Variants in KIDINS220 observed in about 807,000 individuals in gnomAD.
KIDINS220 encodes the protein kinase D interacting substrate 220.
In KIDINS220, 63 loss-of-function variants were observed where a neutral mutation model predicts 157.6. The ratio of observed to expected loss-of-function variants is 0.40; its 90% confidence interval spans 0.33 to 0.49. The LOEUF is 0.49. Among genes scored for constraint, KIDINS220 ranks in the 20% least tolerant of loss-of-function variants. The pLI is 0.66. For synonymous variants in KIDINS220, 732 were observed against 783.6 expected (o/e 0.93, Z 1.10); for missense variants, 1,772 against 2,171.2 (o/e 0.82, Z 3.65).
chr2:8,789,777 T>G, intron 14 of KIDINS220, 103 bp downstream of exon 14: 1 of 902,428 alleles, frequency 1.1e-6, no homozygotes, highest in Non-Finnish European at 1.7e-6. Flanking sequence ...ATTATGAAAA[T>G]CACATACAGG....
rs908789715 is a variant in KIDINS220 at position 8,751,451 on chromosome 2, A to G, written c.3190+15T>C. On this transcript the variant is annotated intron_variant, in intron 23 of 29. Coordinates refer to ENST00000256707, the MANE Select transcript of KIDINS220 (RefSeq NM_020738.4). ...GAACTTTAGATGAAAAATTAAATTT[A>G]CTACTAATACCCACCTGCAATAATT... is the stretch of plus-strand genomic sequence containing the variant. The G allele has an allele frequency of 1.3e-6, 2 of 1,571,246 alleles. No individual in the cohort carries two copies. Among genetic ancestry groups the G allele is most frequent in the East Asian group, 2.2e-5 (1 of 44,688 alleles).
At chr2:8,765,471 A>G (rs1489242365) in intron 22 of KIDINS220, among the ~76,000 whole-genome samples, 1 of 152,208 alleles carries the variant, frequency 6.6e-6, no homozygotes, top group Non-Finnish European at 1.5e-5. Flanking sequence ...ATGATACAAA[A>G]AGTTGGCTAT....
At chr2:8,791,694 A>T (rs1217450633) in intron 12 of KIDINS220, among the ~76,000 whole-genome samples, 4 of 152,186 alleles carry the variant, frequency 2.6e-5, no homozygotes, top group Admixed American at 2.6e-4. Context: ...TAGTACGTGT[A>T]ATACCTATAC....
chr2:8,775,101 T>C (rs1670788468), intron 21 of KIDINS220, among the ~76,000 whole-genome samples: 1 of 152,204 alleles, frequency 6.6e-6, no homozygotes, highest in Non-Finnish European at 1.5e-5. Context: ...AGATCAAGAT[T>C]TTCTTACTTA....
chr2:8,790,878 G>A (rs548384542), intron 13 of KIDINS220, among the ~76,000 whole-genome samples, 182 bp downstream of exon 13: 48 of 152,144 alleles, frequency 3.2e-4, no homozygotes, highest in Non-Finnish European at 5.6e-4. Flanking sequence ...TCACACAATT[G>A]GATCTGCTTT....
rs774874342 is a variant in KIDINS220 at position 8,750,109 on chromosome 2, T to C, written c.3414+3A>G. The C allele has an allele frequency of 6.2e-6, 10 of 1,612,384 alleles. No homozygotes were observed. Among genetic ancestry groups the C allele is most frequent in the Non-Finnish European group, 7.6e-6 (9 of 1,178,652 alleles). ...AAAATAAAGCTGCCTCCAACTTCCT[T>C]ACCCTGTTGTAGAAGGGATGCTGAG... On this transcript the variant is annotated splice_donor_region_variant and intron_variant, in intron 24 of 29. Coordinates refer to ENST00000256707, the MANE Select transcript of KIDINS220 (RefSeq NM_020738.4).
chr2:8,821,356 A>G (rs1210735334), intron 2 of KIDINS220, among the ~76,000 whole-genome samples: 2 of 151,840 alleles, frequency 1.3e-5, no homozygotes, highest in African/African-American at 4.8e-5. Context: ...GAAAAAAAAA[A>G]ACACCCAGTG....
At chr2:8,833,861 C>T (rs1050413786) in intron 1 of KIDINS220, among the ~76,000 whole-genome samples, 14 of 152,142 alleles carry the variant, frequency 9.2e-5, no homozygotes, top group Non-Finnish European at 2.1e-4. Flanking sequence ...ATTTAATAGG[C>T]AAAATCTCTA....
chr2:8,809,288 T>G (rs1201215266), intron 6 of KIDINS220, among the ~76,000 whole-genome samples: 1 of 152,188 alleles, frequency 6.6e-6, no homozygotes, highest in Non-Finnish European at 1.5e-5. Context: ...CCCAAAGTGC[T>G]GGGATTACAG....
At chr2:8,819,590 A>G (rs534887711) in intron 2 of KIDINS220, among the ~76,000 whole-genome samples, 7 of 152,298 alleles carry the variant, frequency 4.6e-5, no homozygotes, top group African/African-American at 1.7e-4. Context: ...TTGGGAGGCC[A>G]AGGTGGACGG....
At position 8,770,846 on chromosome 2, in the gene KIDINS220, C is replaced by T. The variant is rs1307092946; in HGVS notation, c.2849-14G>A. The T allele has an allele frequency of 1.3e-6, 2 of 1,549,078 alleles. No individual in the cohort carries two copies. Among genetic ancestry groups the T allele is most frequent in the South Asian group, 2.4e-5 (2 of 82,410 alleles). On this transcript the variant is annotated splice_polypyrimidine_tract_variant and intron_variant, in intron 21 of 29. Transcript: ENST00000256707. ...TCAGTAATCGTCCTTTTAAAAAATACAAAAGCATTTAAAAATTAATAGATG... is the reference window on the plus strand; with the variant it reads ...TCAGTAATCGTCCTTTTAAAAAATATAAAAGCATTTAAAAATTAATAGATG...
chr2:8,834,868 G>A (rs1478398009), intron 1 of KIDINS220, among the ~76,000 whole-genome samples: 1 of 152,138 alleles, frequency 6.6e-6, no homozygotes, highest in African/African-American at 2.4e-5. Context: ...TTGAGACAGG[G>A]TCTGGCTCTA....
intron 4 of KIDINS220, among the ~76,000 whole-genome samples, chr2:8,814,678 T>A (rs1000464923): frequency 3.3e-5 from 5 of 152,172 alleles, no homozygotes; most frequent in Admixed American, 6.5e-5. Flanking sequence ...AAAGTTTTAG[T>A]CAGAATAAAG....
At chr2:8,764,966 G>T (rs1040890503) in intron 22 of KIDINS220, among the ~76,000 whole-genome samples, 2 of 152,194 alleles carry the variant, frequency 1.3e-5, no homozygotes, top group Non-Finnish European at 2.9e-5. Context: ...TATGGCCAGT[G>T]TTATGAAAGA....
At chr2:8,753,528 A>G (rs1193145658) in intron 22 of KIDINS220, among the ~76,000 whole-genome samples, 1 of 152,208 alleles carries the variant, frequency 6.6e-6, no homozygotes, top group South Asian at 2.1e-4. Flanking sequence ...AGATTGGTCA[A>G]TTTAAATATG....
chr2:8,834,204 G>A (rs1378058255), intron 1 of KIDINS220, among the ~76,000 whole-genome samples: 1 of 152,048 alleles, frequency 6.6e-6, no homozygotes, highest in Admixed American at 6.6e-5. Context: ...TGGTCCTCCT[G>A]AATCGTGTCT....
Position 8,731,149 on chromosome 2 carries a change from T to C in KIDINS220, c.4887A>G (p.Pro1629=), listed in dbSNP as rs1376494790. 4 of 1,614,206 alleles carry C rather than the reference T, an allele frequency of 2.5e-6. No individual in the cohort carries two copies. The highest frequency in any genetic ancestry group is 3.4e-6 in the Non-Finnish European group (4 of 1,180,030). The change falls in exon 30 of 30, where the codon CCA becomes CCG. Residue 1629 remains proline, a synonymous_variant. Coordinates refer to ENST00000256707, the MANE Select transcript of KIDINS220 (RefSeq NM_020738.4). The surrounding 1 kb of genome is among the most constrained non-coding windows in gnomAD (Gnocchi z 5.2). ...GATCTTGCAGGCCACTCAGGCTATGTGGGATTCCCCGCTTTCCGCTGTGAC... is the reference window on the plus strand; with the variant it reads ...GATCTTGCAGGCCACTCAGGCTATGCGGGATTCCCCGCTTTCCGCTGTGAC... The part of the protein sequence containing the change: ...DDSHSGKRGI[P]HSLSGLQDPI...
At chr2:8,727,645 TC>T (rs1372112802), downstream of KIDINS220, among the ~76,000 whole-genome samples, 1 of 152,208 alleles carries the variant, frequency 6.6e-6, no homozygotes, top group African/African-American at 2.4e-5. Flanking sequence ...ACTGCAGCAG[TC>T]TAACATGCAA....
chr2:8,781,874 C>T (rs781509865), intron 17 of KIDINS220, among the ~76,000 whole-genome samples: 5 of 152,160 alleles, frequency 3.3e-5, no homozygotes, highest in Non-Finnish European at 5.9e-5. Flanking sequence ...ATAATCCCAG[C>T]ACTTTGGGAG....
Sources: allele counts gnomAD v4.1 joint callset (sites outside exome capture counted in the v4.1 genomes callset), GRCh38; gene constraint gnomAD v4.1.1; non-coding constraint Gnocchi (gnomAD v3.1); transcripts MANE v1.5; gene names NCBI Gene and HGNC (gene_info 2026-07-23, HGNC 2026-07-21).